The following DIAPH3 variants were observed in gnomAD, a reference collection of about 807,000 sequenced individuals.
DIAPH3 encodes diaphanous related formin 3.
Under a neutral mutation model 144.3 loss-of-function variants are expected in DIAPH3, and 117 were observed. The ratio of observed to expected loss-of-function variants is 0.81; its 90% CI spans 0.70 to 0.95. The LOEUF (loss-of-function observed/expected upper bound fraction) is 0.95. Among genes scored for constraint, DIAPH3 ranks in the 40% least tolerant of loss-of-function variants. The pLI is 0.00. For missense variants in DIAPH3, 1,421 were observed against 1,412.7 expected (o/e 1.01, Z -0.09); for synonymous variants, 519 against 488.9 (o/e 1.06, Z -0.81).
intron 17 of DIAPH3, among the ~76,000 whole-genome samples, chr13:59,966,547 T>G (rs2050060198): frequency 6.6e-6 from 1 of 152,180 alleles, no homozygotes; most frequent in Admixed American, 6.5e-5. Context: ...CAACTCTAAG[T>G]GTATTAGACC....
chr13:60,163,609 G>C lies in DIAPH3; in HGVS notation c.158C>G (p.Pro53Arg). The C allele has an allele frequency of 6.2e-7, 1 of 1,601,910 alleles. No homozygotes were observed. The highest frequency in any genetic ancestry group is 8.5e-7 in the Non-Finnish European group (1 of 1,171,490). Residue 53 changes from proline to arginine, a missense_variant, in exon 1 of 28, where the codon CCT becomes CGT. Transcript: ENST00000400324. ...HPPPPSGPEE[P>R]GEKRPKFHLN... Reference sequence around the variant, plus strand: ...CACAAACTTGGGGCGCTTCTCCCCAGGCTCCTCGGGGCCACTGGGCGGCGG... The same window carrying C: ...CACAAACTTGGGGCGCTTCTCCCCACGCTCCTCGGGGCCACTGGGCGGCGG...
rs549460115 is a variant in DIAPH3, at chr13:60,056,494, TTTTTA to T, written c.496-13679_496-13675del. ...ATATACACCCATATGTACTTGTGTATTTTTATTTTATTTTATTTTTCCTAGCTCTG... is the reference window on the plus strand; with the variant it reads ...ATATACACCCATATGTACTTGTGTATTTTTATTTTATTTTTCCTAGCTCTG... On this transcript the variant is annotated intron_variant, in intron 4 of 27. Coordinates refer to ENST00000400324, the MANE Select transcript of DIAPH3 (RefSeq NM_001042517.2). Among the ~76,000 whole-genome samples the T allele has an allele frequency of 2.5e-3, 374 of 151,914 alleles. 2 individuals carry two copies. The highest frequency in any genetic ancestry group is 8.3e-3 in the African/African-American group (345 of 41,516).
chr13:60,118,883 G>A (rs1470950132), intron 2 of DIAPH3, among the ~76,000 whole-genome samples: 2 of 152,300 alleles, frequency 1.3e-5, no homozygotes, highest in African/African-American at 4.8e-5. Flanking sequence ...AAAGTAGCAC[G>A]TGTACCCACC....
intron 3 of DIAPH3, among the ~76,000 whole-genome samples, chr13:60,104,037 G>A (rs1353863209): frequency 6.6e-6 from 1 of 152,020 alleles, no homozygotes. Context: ...CAGACTAAAT[G>A]AATCTTATCT....
At chr13:59,748,058 A>G (rs931755566) in intron 27 of DIAPH3, among the ~76,000 whole-genome samples, 6 of 152,332 alleles carry the variant, frequency 3.9e-5, no homozygotes, top group African/African-American at 1.4e-4. Context: ...AGGTTTTTAC[A>G]CTGGAAGACT....
intron 12 of DIAPH3, among the ~76,000 whole-genome samples, chr13:59,989,490 A>T (rs919892915): frequency 6.6e-6 from 1 of 151,878 alleles, no homozygotes; most frequent in Non-Finnish European, 1.5e-5. Context: ...TCTAGCAGTC[A>T]CAGGAAGAAC....
intron 20 of DIAPH3, among the ~76,000 whole-genome samples, chr13:59,909,849 T>G (rs924508835): frequency 2.0e-5 from 3 of 152,226 alleles, no homozygotes; most frequent in Non-Finnish European, 4.4e-5. Flanking sequence ...CATTGGTATC[T>G]GGGAATCCAG....
At chr13:59,913,622 G>T (rs1248669556) in intron 19 of DIAPH3, among the ~76,000 whole-genome samples, 1 of 152,020 alleles carries the variant, frequency 6.6e-6, no homozygotes, top group East Asian at 1.9e-4. Context: ...CATTTCCCTT[G>T]TCAAATTATA....
At position 59,666,454 on chromosome 13, in the gene DIAPH3, A is replaced by AT. The variant is rs2032013747; in HGVS notation, c.*129dup. 1 of 1,111,094 alleles carries AT rather than the reference A, an allele frequency of 9.0e-7. No individual in the cohort carries two copies. Among genetic ancestry groups the AT allele is most frequent in the Admixed American group, 2.9e-5 (1 of 34,990 alleles). The allele number at this position is 1,111,094 out of a possible 1,614,324, so 68.8% of individuals were successfully genotyped here. A position where few individuals can be genotyped will look rare whatever the true frequency, so the allele number is the denominator to read the frequency against. On this transcript the variant is annotated 3_prime_UTR_variant, in exon 28 of 28. Transcript: ENST00000400324. ...GCATTGCAATCATATATTTAGCTTT[A>AT]TTTTTCTAATATATATCATAATTTA...
At chr13:59,913,750 G>C (rs1340890879) in intron 19 of DIAPH3, among the ~76,000 whole-genome samples, 1 of 152,094 alleles carries the variant, frequency 6.6e-6, no homozygotes, top group Non-Finnish European at 1.5e-5. Context: ...TTGAGGTCAA[G>C]AGTTCAAGAC....
intron 22 of DIAPH3, among the ~76,000 whole-genome samples, chr13:59,851,933 A>C (rs940652872): frequency 3.3e-5 from 5 of 152,120 alleles, no homozygotes; most frequent in African/African-American, 1.2e-4. Flanking sequence ...GATGAATCTT[A>C]TTTAAACTAA....
chr13:59,866,113 C>T (rs950735993), intron 21 of DIAPH3, among the ~76,000 whole-genome samples: 1 of 151,852 alleles, frequency 6.6e-6, no homozygotes, highest in Non-Finnish European at 1.5e-5. Context: ...TAGAAGAATA[C>T]AACCTGTGAA....
At chr13:60,042,636 TAA>T in intron 5 of DIAPH3, 52 bp downstream of exon 5, 1 of 1,608,704 alleles carries the variant, frequency 6.2e-7, no homozygotes, top group South Asian at 1.1e-5. Flanking sequence ...AGTATTAAAC[TAA>T]AAGAACACAT....
At chr13:60,064,206 TTTAAG>T (rs1176344067) in intron 4 of DIAPH3, among the ~76,000 whole-genome samples, 5 of 152,214 alleles carry the variant, frequency 3.3e-5, no homozygotes, top group African/African-American at 9.6e-5. Context: ...TGGTTTCAAC[TTTAAG>T]TTATCAGCTG....
At position 60,010,689 on chromosome 13, in the gene DIAPH3, A is replaced by G. The variant is rs916334156; in HGVS notation, c.772-20T>C. On this transcript the variant is annotated intron_variant, in intron 7 of 27. Transcript: ENST00000400324. ...GCCATACTATAATATTTTGAAAATA[A>G]GAGGTCAAATGTTAGAAATTAGTTA... The G allele has an allele frequency of 1.9e-6, 3 of 1,610,940 alleles. No individual in the cohort carries two copies. Among genetic ancestry groups the G allele is most frequent in the Non-Finnish European group, 2.5e-6 (3 of 1,177,820 alleles).
At chr13:60,033,903 TA>T (rs1459320451) in intron 5 of DIAPH3, among the ~76,000 whole-genome samples, 1 of 152,214 alleles carries the variant, frequency 6.6e-6, no homozygotes, top group African/African-American at 2.4e-5. Context: ...TTCTGAATGA[TA>T]AAAATTAAAA....
chr13:59,873,600 T>G (rs145033450), intron 21 of DIAPH3, among the ~76,000 whole-genome samples: 146 of 152,154 alleles, frequency 9.6e-4, no homozygotes, highest in African/African-American at 3.4e-3. Context: ...CTTTTCAAAG[T>G]TTTCATTTTC....
chr13:59,800,189 T>C (rs1186888616), intron 25 of DIAPH3, among the ~76,000 whole-genome samples: 1 of 152,206 alleles, frequency 6.6e-6, no homozygotes, highest in Non-Finnish European at 1.5e-5. Flanking sequence ...TAAGTTGTAA[T>C]ATATTCAGAT....
At chr13:59,915,013 A>G (rs1312086882) in intron 19 of DIAPH3, among the ~76,000 whole-genome samples, 1 of 152,192 alleles carries the variant, frequency 6.6e-6, no homozygotes, top group African/African-American at 2.4e-5. Context: ...TCTATTATAT[A>G]ACAAAACCAC....
Sources: gnomAD v4.1 joint callset for allele counts (sites outside exome capture counted in the v4.1 genomes callset) on GRCh38, gnomAD v4.1.1 for gene constraint, MANE v1.5 for transcripts, NCBI Gene and HGNC (gene_info 2026-07-23, HGNC 2026-07-21) for gene names.